The following FAM200C variants were observed in gnomAD, a reference collection of about 807,000 sequenced individuals.
At chr5:160,394,496 C>T in the FAM200C span, 5 of 1,614,060 alleles carry the variant, frequency 3.1e-6, no homozygotes, top group East Asian at 8.9e-5. Flanking sequence ...GGAAAGCCAC[C>T]TCATTTCAGT....
At chr5:160,399,724 G>A in the FAM200C span, 1 of 151,826 alleles carries the variant, frequency 6.6e-6, no homozygotes, top group Non-Finnish European at 1.5e-5. Flanking sequence ...TGGTGTTACT[G>A]TTAAGGACGG....
the FAM200C span, among the ~76,000 whole-genome samples, chr5:160,397,995 A>C: frequency 6.6e-6 from 1 of 152,232 alleles, no homozygotes; most frequent in Non-Finnish European, 1.5e-5. Context: ...CTACCCCAGC[A>C]CTTTGGGAAG....
the FAM200C span, among the ~76,000 whole-genome samples, chr5:160,398,883 G>A: frequency 6.6e-6 from 1 of 152,112 alleles, no homozygotes; most frequent in African/African-American, 2.4e-5. Flanking sequence ...CATGATAATG[G>A]TATTGTGGTT....
chr5:160,397,462 C>T, the FAM200C span: 1 of 152,122 alleles, frequency 6.6e-6, no homozygotes, highest in Non-Finnish European at 1.5e-5. Context: ...ATTCTATCTC[C>T]AAGATAAGTA....
chr5:160,395,272 A>G, the FAM200C span: 4 of 1,614,162 alleles, frequency 2.5e-6, no homozygotes, highest in Non-Finnish European at 3.4e-6. Context: ...CACTCTGATC[A>G]GATGGTGCTG....
the FAM200C span, chr5:160,400,011 A>G: frequency 6.6e-6 from 1 of 152,276 alleles, no homozygotes; most frequent in Non-Finnish European, 1.5e-5. Flanking sequence ...AGCATCCGCA[A>G]CAACCTCCGC....
the FAM200C span, chr5:160,397,475 T>C: frequency 6.6e-6 from 1 of 152,226 alleles, no homozygotes; most frequent in Non-Finnish European, 1.5e-5. Context: ...GATAAGTAAG[T>C]GATCCCCAAA....
chr5:160,396,696 T>TG, the FAM200C span, among the ~76,000 whole-genome samples: 703 of 110,362 alleles, frequency 6.4e-3, 3 homozygotes, highest in African/African-American at 0.024. Flanking sequence ...CAAGTCTCTG[T>TG]GGAAAAAAAA....
the FAM200C span, chr5:160,397,538 C>T: frequency 6.6e-6 from 1 of 152,232 alleles, no homozygotes; most frequent in Non-Finnish European, 1.5e-5. Context: ...AACAGGTACA[C>T]ATTTAAATCT....
chr5:160,394,133 T>A, the FAM200C span: 33 of 1,613,494 alleles, frequency 2.0e-5, no homozygotes, highest in Non-Finnish European at 2.7e-5. Context: ...GTTGCTCAAT[T>A]GTTGCAGATG....
chr5:160,395,103 G>A, the FAM200C span: 1 of 1,613,964 alleles, frequency 6.2e-7, no homozygotes, highest in Non-Finnish European at 8.5e-7. Flanking sequence ...TGTGCATCTG[G>A]TCCCAAAACT....
chr5:160,399,072 T>C, the FAM200C span, among the ~76,000 whole-genome samples: 122,480 of 152,154 alleles, frequency 0.8, 49,642 homozygotes, highest in African/African-American at 0.86. Context: ...ATGATGGGTA[T>C]ACATCATTAC....
the FAM200C span, among the ~76,000 whole-genome samples, chr5:160,398,218 G>A: frequency 6.6e-5 from 10 of 152,088 alleles, no homozygotes; most frequent in East Asian, 5.8e-4. Context: ...CTGAGATCAC[G>A]CCACTGCACT....
the FAM200C span, among the ~76,000 whole-genome samples, chr5:160,395,804 T>C: frequency 6.6e-6 from 1 of 152,248 alleles, no homozygotes. Context: ...TGGTGAATTA[T>C]AGTTATGGCT....
At chr5:160,397,751 C>T in the FAM200C span, among the ~76,000 whole-genome samples, 1 of 152,200 alleles carries the variant, frequency 6.6e-6, no homozygotes, top group African/African-American at 2.4e-5. Context: ...GTTTAAAGAG[C>T]TGATCTTAAG....
At chr5:160,393,761 G>C in the FAM200C span, 1 of 1,559,164 alleles carries the variant, frequency 6.4e-7, no homozygotes, top group African/African-American at 1.4e-5. Context: ...CGAGAAACGA[G>C]GAACTTTTTT....
chr5:160,398,059 T>C, the FAM200C span, among the ~76,000 whole-genome samples: 3 of 152,166 alleles, frequency 2.0e-5, no homozygotes, highest in Non-Finnish European at 4.4e-5. Context: ...CAGGCCAACA[T>C]AGTGAAACTC....
At chr5:160,399,128 AT>A in the FAM200C span, among the ~76,000 whole-genome samples, 4 of 152,250 alleles carry the variant, frequency 2.6e-5, no homozygotes, top group Non-Finnish European at 4.4e-5. Flanking sequence ...TAATAAAAAG[AT>A]AAAAAGCATT....
chr5:160,393,457 C>A, the FAM200C span: 1 of 449,442 alleles, frequency 2.2e-6, no homozygotes, highest in Non-Finnish European at 3.9e-6. Flanking sequence ...TTTCATATAC[C>A]ACACGAACAG....
Sources: gnomAD v4.1 joint callset for allele counts (sites outside exome capture counted in the v4.1 genomes callset) on GRCh38, gnomAD v4.1.1 for gene constraint, MANE v1.5 for transcripts.